ATL2: variants seen among roughly 807,000 people sequenced by gnomAD.
The protein encoded by ATL2 is atlastin GTPase 2, also known as atlastin-2.
Under a neutral mutation model 73.9 loss-of-function variants are expected in ATL2, and 31 were observed. That is an observed-to-expected ratio of 0.42 (90% CI 0.32 to 0.57). ATL2 has a LOEUF of 0.57. ATL2 is among the 20% of genes least tolerant of loss of function. The probability of loss-of-function intolerance (pLI) is 0.14; values close to 1 mark genes in which losing one functional copy is unlikely to be tolerated. For synonymous variants in ATL2, 291 were observed against 237.5 expected (o/e 1.23, Z -2.07); for missense variants, 738 against 702.6 (o/e 1.05, Z -0.57).
intron 1 of ATL2, among the ~76,000 whole-genome samples, chr2:38,351,482 CAT>C (rs1192611132): frequency 1.3e-5 from 2 of 149,378 alleles, no homozygotes; most frequent in South Asian, 2.1e-4. Context: ...AAAAATTATA[CAT>C]ATATATATTT....
upstream of ATL2, among the ~76,000 whole-genome samples, chr2:38,377,455 T>C (rs1321030590): frequency 8.2e-5 from 10 of 121,804 alleles, no homozygotes; most frequent in Non-Finnish European, 1.5e-4. Flanking sequence ...CGCCCATCGC[T>C]CGCTCGCTCC....
At chr2:38,349,561 T>C (rs1367093794) in intron 1 of ATL2, among the ~76,000 whole-genome samples, 3 of 148,266 alleles carry the variant, frequency 2.0e-5, no homozygotes, top group Admixed American at 6.7e-5. Context: ...ATTAGGAGTA[T>C]ACCTAATGCT....
intron 2 of ATL2, among the ~76,000 whole-genome samples, chr2:38,337,518 G>A (rs1174897831): frequency 5.2e-4 from 34 of 65,136 alleles, no homozygotes; most frequent in Admixed American, 1.5e-3. Context: ...AAAAAAAAAA[G>A]GCAGTTGAGG....
intron 9 of ATL2, among the ~76,000 whole-genome samples, chr2:38,303,184 T>A (rs1016997190): frequency 6.6e-6 from 1 of 152,142 alleles, no homozygotes; most frequent in African/African-American, 2.4e-5. Context: ...ACTGACATAC[T>A]GAAGAATGCA....
Position 38,377,225 on chromosome 2 carries a change from TTGC to T in ATL2, c.33_35del (p.Gln12del). 6.2e-7 allele frequency: 1 copy of T among 1,605,714 alleles called. No individual in the cohort carries two copies. Among genetic ancestry groups the T allele is most frequent in the Non-Finnish European group, 8.5e-7 (1 of 1,176,978 alleles). On this transcript the variant is annotated inframe_deletion, in exon 1 of 13. Coordinates refer to ENST00000378954, the MANE Select transcript of ATL2 (RefSeq NM_001135673.4). Reference sequence around the variant, plus strand: ...GCCGGCGCCACAGCCCCTGGTGCGGTTGCTGCCCTCGCGCTGCCTCGTCCCCCT... The same window carrying T: ...GCCGGCGCCACAGCCCCTGGTGCGGTTGCCCTCGCGCTGCCTCGTCCCCCT...
chr2:38,353,651 A>G (rs1362909774), intron 1 of ATL2, among the ~76,000 whole-genome samples: 1 of 152,222 alleles, frequency 6.6e-6, no homozygotes, highest in Non-Finnish European at 1.5e-5. Context: ...GCTAAAAACC[A>G]AAAACCAAAG....
chr2:38,338,294 G>A (rs1286705393), intron 2 of ATL2, among the ~76,000 whole-genome samples: 3 of 151,540 alleles, frequency 2.0e-5, no homozygotes, highest in South Asian at 2.1e-4. Flanking sequence ...AACAGACAAC[G>A]GGGAGTACTA....
At chr2:38,363,856 T>C (rs1671150543) in intron 1 of ATL2, among the ~76,000 whole-genome samples, 1 of 152,228 alleles carries the variant, frequency 6.6e-6, no homozygotes, top group Non-Finnish European at 1.5e-5. Context: ...GGAAATGCTA[T>C]TTGAGTACAA....
intron 9 of ATL2, among the ~76,000 whole-genome samples, chr2:38,304,837 A>G (rs1473927683): frequency 6.6e-6 from 1 of 152,206 alleles, no homozygotes; most frequent in East Asian, 1.9e-4. Context: ...AGAGAAAATC[A>G]CCTTCACTAA....
At chr2:38,322,668 T>C (rs1344131309) in intron 2 of ATL2, among the ~76,000 whole-genome samples, 1 of 152,100 alleles carries the variant, frequency 6.6e-6, no homozygotes, top group East Asian at 1.9e-4. Context: ...TCTTCCTAGG[T>C]TACCTTGTAA....
At chr2:38,377,322 T>G, upstream of ATL2, 1 of 1,421,612 alleles carries the variant, frequency 7.0e-7, no homozygotes, top group Non-Finnish European at 9.4e-7. Flanking sequence ...TTTATCAACC[T>G]CCCGGGAGCC....
At chr2:38,325,661 TACACAC>T (rs562138786) in intron 2 of ATL2, among the ~76,000 whole-genome samples, 2,010 of 41,558 alleles carry the variant, frequency 0.048, 153 homozygotes, top group Non-Finnish European at 0.055. Context: ...CACACACCAG[TACACAC>T]ACACACACAC....
At chr2:38,343,181 TATA>T in intron 2 of ATL2, 84 bp downstream of exon 2, 6 of 678,688 alleles carry the variant, frequency 8.8e-6, no homozygotes, top group African/African-American at 2.0e-5. Context: ...AAAAAAAAGA[TATA>T]GTTCTGGTTT....
At chr2:38,318,106 A>G (rs1189741523) in intron 4 of ATL2, among the ~76,000 whole-genome samples, 2 of 152,122 alleles carry the variant, frequency 1.3e-5, no homozygotes, top group African/African-American at 4.8e-5. Context: ...GCATGATCAC[A>G]CCCATGAATA....
chr2:38,295,011 G>GGGGAA lies in ATL2; in HGVS notation c.*982_*983insTTCCC, dbSNP rs1558376392. ...GAATTCCCTTGGTGGGCGGGGGGGG[G>GGGGAA]GTGAGATTGCAGTGCTCAAGATAAA... On this transcript the variant is annotated 3_prime_UTR_variant, in exon 13 of 13. Coordinates refer to ENST00000378954, the MANE Select transcript of ATL2 (RefSeq NM_001135673.4). The GGGGAA allele has an allele frequency of 8.7e-6, 1 of 115,298 alleles. No homozygotes were observed. Among genetic ancestry groups the GGGGAA allele is most frequent in the Non-Finnish European group, 1.8e-5 (1 of 54,596 alleles). The allele number at this position is 115,298 out of a possible 1,614,324, so 7.1% of individuals were successfully genotyped here.
At chr2:38,302,286 T>G (rs574536655) in intron 9 of ATL2, among the ~76,000 whole-genome samples, 2 of 148,808 alleles carry the variant, frequency 1.3e-5, no homozygotes, top group South Asian at 4.3e-4. Context: ...ATGAGGAGAG[T>G]CTCCTGCTTG....
chr2:38,314,472 G>A lies in ATL2; in HGVS notation c.711+136C>T, dbSNP rs879103084. Reference sequence around the variant, plus strand: ...AAGTATGCTGATGATACTACCAAAGGTTAGTTTCGATTGCACTGAATCTGT... The same window carrying A: ...AAGTATGCTGATGATACTACCAAAGATTAGTTTCGATTGCACTGAATCTGT... On this transcript the variant is annotated intron_variant, in intron 6 of 12. Coordinates refer to ENST00000378954, the MANE Select transcript of ATL2 (RefSeq NM_001135673.4). The A allele has an allele frequency of 3.5e-5, 21 of 592,222 alleles. No individual in the cohort carries two copies. In the South Asian group the frequency reaches 4.5e-4, roughly 13 times the overall value. The allele number at this position is 592,222 out of a possible 1,614,324, so 36.7% of individuals were successfully genotyped here.
intron 2 of ATL2, among the ~76,000 whole-genome samples, chr2:38,339,599 C>CA (rs1303603194): frequency 1.3e-5 from 2 of 151,864 alleles, no homozygotes; most frequent in South Asian, 2.1e-4. Context: ...AATCAGCTGA[C>CA]AAAAAATTGT....
At position 38,367,004 on chromosome 2, in the gene ATL2, C is replaced by T. The variant is rs1671366138; in HGVS notation, c.118+10139G>A. Among the ~76,000 whole-genome samples, 5 of 152,026 alleles carry T rather than the reference C, an allele frequency of 3.3e-5. 1 individual carries two copies. The highest frequency in any genetic ancestry group is 3.3e-4 in the Admixed American group (5 of 15,242). On this transcript the variant is annotated intron_variant, in intron 1 of 12. Coordinates refer to ENST00000378954, the MANE Select transcript of ATL2 (RefSeq NM_001135673.4). ...ACACTTTAAGACATTATCTTTATTACTATTATTATTTTTTTTAGCAACAGA... is the reference window on the plus strand; with the variant it reads ...ACACTTTAAGACATTATCTTTATTATTATTATTATTTTTTTTAGCAACAGA...
Sources: allele counts gnomAD v4.1 joint callset (sites outside exome capture counted in the v4.1 genomes callset), GRCh38; gene constraint gnomAD v4.1.1; transcripts MANE v1.5; gene names NCBI Gene and HGNC (gene_info 2026-07-23, HGNC 2026-07-21).